GALNT18: variants seen among roughly 807,000 people sequenced by gnomAD.
The protein encoded by GALNT18 is polypeptide N-acetylgalactosaminyltransferase 18, also known as GalNAc-transferase 18.
A neutral mutation model predicts 69.5 loss-of-function variants in GALNT18; 44 were observed. The ratio of observed to expected loss-of-function variants is 0.63; its 90% CI spans 0.50 to 0.81. The LOEUF (loss-of-function observed/expected upper bound fraction) is 0.81. Ranked by LOEUF, GALNT18 falls within the 40% of genes least tolerant of loss-of-function variation. The probability of loss-of-function intolerance (pLI) is 0.00; values close to 1 mark genes in which losing one functional copy is unlikely to be tolerated. For synonymous variants in GALNT18, 364 were observed against 318.2 expected (o/e 1.14, Z -1.53); for missense variants, 715 against 810.0 (o/e 0.88, Z 1.42).
At chr11:11,417,577 C>G (rs1328757087) in intron 3 of GALNT18, among the ~76,000 whole-genome samples, 2 of 152,218 alleles carry the variant, frequency 1.3e-5, no homozygotes, top group Non-Finnish European at 2.9e-5. Context: ...CTTGCCAGTC[C>G]TGCAGGCCAG....
chr11:11,281,817 G>T (rs1849081286), intron 10 of GALNT18, among the ~76,000 whole-genome samples: 1 of 152,084 alleles, frequency 6.6e-6, no homozygotes, highest in Non-Finnish European at 1.5e-5. Context: ...GAGTGGGGTT[G>T]GGGGAGGCGG....
In GALNT18 at chr11:11,587,148, C is replaced by T. The variant is rs1228161435; in HGVS notation, c.235+34211G>A. 6.6e-6 allele frequency among the ~76,000 whole-genome samples: 1 copy of T among 152,212 alleles called. No homozygotes were observed. Among genetic ancestry groups the T allele is most frequent in the Admixed American group, 6.5e-5 (1 of 15,284 alleles). ...AGAGCCAGCCACAAAACAGTTACTG[C>T]CTGGCACAGCAATTTGCTCTAGCAC... On this transcript the variant is annotated intron_variant, in intron 1 of 10. Coordinates refer to ENST00000227756, the MANE Select transcript of GALNT18 (RefSeq NM_198516.3). The surrounding 1 kb of genome is among the most constrained non-coding windows in gnomAD (Gnocchi z 4.4).
intron 9 of GALNT18, among the ~76,000 whole-genome samples, chr11:11,294,596 C>T (rs1296853146): frequency 8.9e-6 from 1 of 112,670 alleles, no homozygotes; most frequent in African/African-American, 3.6e-5. Flanking sequence ...TACTGTAGTG[C>T]AAACACATCC....
In GALNT18 at chr11:11,463,943, C is replaced by T. The variant is rs1856103184; in HGVS notation, c.236-15007G>A. Among the ~76,000 whole-genome samples the T allele has an allele frequency of 6.6e-6, 1 of 152,234 alleles. No homozygotes were observed. Among genetic ancestry groups the T allele is most frequent in the African/African-American group, 2.4e-5 (1 of 41,468 alleles). On this transcript the variant is annotated intron_variant, in intron 1 of 10. Coordinates refer to ENST00000227756, the MANE Select transcript of GALNT18 (RefSeq NM_198516.3). This position sits in a 1 kb window ranked among gnomAD's most constrained non-coding sequence, Gnocchi z 4.2. ...AGGGGGAAAAATTAGTCCTTTCCAT[C>T]TGGCAAATTCTTAATTTACCAACCC...
chr11:11,275,550 GT>G (rs1848925714), intron 10 of GALNT18, among the ~76,000 whole-genome samples: 1 of 152,174 alleles, frequency 6.6e-6, no homozygotes, highest in Non-Finnish European at 1.5e-5. Context: ...GATCCCATTT[GT>G]CAATTTTGGC....
In GALNT18 at chr11:11,541,467, G is replaced by A. The variant is rs1168233821; in HGVS notation, c.235+79892C>T. ...CCCATCCACCTTCCACCTGTAGTTG[G>A]GGTGATCTTTCTAGACCACAAACCT... On this transcript the variant is annotated intron_variant, in intron 1 of 10. Coordinates refer to ENST00000227756, the MANE Select transcript of GALNT18 (RefSeq NM_198516.3). The surrounding 1 kb of genome is among the most constrained non-coding windows in gnomAD (Gnocchi z 4.8). Among the ~76,000 whole-genome samples, 1 of 152,110 alleles carries A rather than the reference G, an allele frequency of 6.6e-6. No homozygotes were observed. The highest frequency in any genetic ancestry group is 6.5e-5 in the Admixed American group (1 of 15,278).
intron 3 of GALNT18, among the ~76,000 whole-genome samples, chr11:11,397,491 GT>G (rs1482619771): frequency 6.6e-6 from 1 of 152,086 alleles, no homozygotes; most frequent in Non-Finnish European, 1.5e-5. Flanking sequence ...TTGAGACAGG[GT>G]TCACTCTGTT....
chr11:11,448,572 T>TG (rs1459960638), intron 2 of GALNT18, among the ~76,000 whole-genome samples, 172 bp downstream of exon 2: 2 of 152,250 alleles, frequency 1.3e-5, no homozygotes, highest in Non-Finnish European at 2.9e-5. Flanking sequence ...AAACTGAGGC[T>TG]GAGGGAAGAG....
chr11:11,294,297 G>A (rs1849358194), intron 9 of GALNT18, among the ~76,000 whole-genome samples: 2 of 151,428 alleles, frequency 1.3e-5, no homozygotes, highest in African/African-American at 2.5e-5. Context: ...CGTTAGAGAC[G>A]CAGCACCAGG....
At chr11:11,499,026 G>T (rs1308430354) in intron 1 of GALNT18, among the ~76,000 whole-genome samples, 1 of 152,140 alleles carries the variant, frequency 6.6e-6, no homozygotes, top group Non-Finnish European at 1.5e-5. Context: ...TGAGTCAAAG[G>T]ATACAAACTG....
intron 9 of GALNT18, among the ~76,000 whole-genome samples, chr11:11,294,211 A>G (rs61618665): frequency 0.16 from 23,928 of 152,214 alleles, 2,012 homozygotes; most frequent in East Asian, 0.23. Context: ...GTTCCCTCCC[A>G]GGGGCGTTGC....
chr11:11,343,161 T>C (rs969096938), intron 6 of GALNT18, among the ~76,000 whole-genome samples: 2 of 152,032 alleles, frequency 1.3e-5, no homozygotes, highest in Middle Eastern at 3.4e-3. Context: ...TTGGGTAACA[T>C]GGTGAGACCT....
In GALNT18 at chr11:11,606,219, C is replaced by G. The variant is rs972368902; in HGVS notation, c.235+15140G>C. Among the ~76,000 whole-genome samples the G allele has an allele frequency of 3.3e-5, 5 of 152,152 alleles. No homozygotes were observed. Among genetic ancestry groups the G allele is most frequent in the Admixed American group, 6.5e-5 (1 of 15,280 alleles). On this transcript the variant is annotated intron_variant, in intron 1 of 10. Coordinates refer to ENST00000227756, the MANE Select transcript of GALNT18 (RefSeq NM_198516.3). The surrounding 1 kb of genome is among the most constrained non-coding windows in gnomAD (Gnocchi z 5.4). ...TATTCATGTGTTTACTCAGCAAACT[C>G]CTACCTAGCCCCTACTGTATACCTG...
rs774857619 is a variant in GALNT18 at position 11,377,977 on chromosome 11, G to A, written c.780-598C>T. ...TGGGAGACCCTTGAAGGCACCAGGC[G>A]AGTAAAGTGTTTGCAGGCAGGAATA... is the stretch of plus-strand genomic sequence containing the variant. On this transcript the variant is annotated intron_variant, in intron 4 of 10. Coordinates refer to ENST00000227756, the MANE Select transcript of GALNT18 (RefSeq NM_198516.3). This position sits in a 1 kb window ranked among gnomAD's most constrained non-coding sequence, Gnocchi z 4.6. Among the ~76,000 whole-genome samples the A allele has an allele frequency of 7.9e-5, 12 of 152,208 alleles. No homozygotes were observed. The highest frequency in any genetic ancestry group is 2.1e-4 in the South Asian group (1 of 4,830).
chr11:11,282,429 TAGAG>T (rs768585983), intron 10 of GALNT18, among the ~76,000 whole-genome samples: 5 of 152,114 alleles, frequency 3.3e-5, no homozygotes, highest in African/African-American at 7.2e-5. Flanking sequence ...CCCTGAGAGG[TAGAG>T]AGAATAATTA....
intron 10 of GALNT18, among the ~76,000 whole-genome samples, chr11:11,283,639 G>T (rs1849133188): frequency 6.6e-6 from 1 of 152,188 alleles, no homozygotes; most frequent in Non-Finnish European, 1.5e-5. Flanking sequence ...GGGGCTTCGT[G>T]CAGAGACCTG....
At chr11:11,611,960 G>C (rs1450325176) in intron 1 of GALNT18, among the ~76,000 whole-genome samples, 1 of 152,060 alleles carries the variant, frequency 6.6e-6, no homozygotes, top group Non-Finnish European at 1.5e-5. Flanking sequence ...GCCCCTGCCT[G>C]GCCTCCCATT....
chr11:11,298,339 T>G (rs1369085277), intron 9 of GALNT18, among the ~76,000 whole-genome samples: 1 of 152,256 alleles, frequency 6.6e-6, no homozygotes, highest in Non-Finnish European at 1.5e-5. Context: ...CTGCCACTTT[T>G]AAGGATAAGG....
At position 11,435,497 on chromosome 11, in the gene GALNT18, A is replaced by G. The variant is rs1855377708; in HGVS notation, c.429-2710T>C. ...AGTTTTCATAAGAAAACTCATTTGA[A>G]CATAGCTGAACACATTCTCTAGGGC... On this transcript the variant is annotated intron_variant, in intron 2 of 10. Transcript: ENST00000227756. This position sits in a 1 kb window ranked among gnomAD's most constrained non-coding sequence, Gnocchi z 4.4. Among the ~76,000 whole-genome samples, 1 of 152,230 alleles carries G rather than the reference A, an allele frequency of 6.6e-6. No homozygotes were observed. Among genetic ancestry groups the G allele is most frequent in the South Asian group, 2.1e-4 (1 of 4,824 alleles).
Sources: allele counts gnomAD v4.1 joint callset (sites outside exome capture counted in the v4.1 genomes callset), GRCh38; gene constraint gnomAD v4.1.1; non-coding constraint Gnocchi (gnomAD v3.1); transcripts MANE v1.5; gene names NCBI Gene and HGNC (gene_info 2026-07-23, HGNC 2026-07-21).